Variants in LMOD1 observed in about 807,000 individuals in gnomAD.
LMOD1 encodes leiomodin-1.
In LMOD1, 8 loss-of-function variants were observed where a neutral mutation model predicts 36.5. That is an observed-to-expected ratio of 0.22 (90% CI 0.13 to 0.40). The LOEUF (loss-of-function observed/expected upper bound fraction) is 0.40, where lower values mean the gene tolerates loss of function less well. Ranked by LOEUF, LMOD1 falls within the 10% of genes least tolerant of loss-of-function variation. LMOD1 has a pLI of 1.00. For synonymous variants in LMOD1, 284 were observed against 288.7 expected, an observed-to-expected ratio of 0.98 and a Z score of 0.17; for missense variants, 630 against 751.1, an observed-to-expected ratio of 0.84 and a Z score of 1.88.
chr1:201,898,119 G>A lies in LMOD1; in HGVS notation c.*253C>T, dbSNP rs1306459251. The A allele has an allele frequency of 4.5e-5, 25 of 561,300 alleles. No homozygotes were observed. The highest frequency in any genetic ancestry group is 4.8e-4 in the Middle Eastern group (1 of 2,086). The allele number at this position is 561,300 out of a possible 1,614,324, so 34.8% of individuals were successfully genotyped here. A position where few individuals can be genotyped will look rare whatever the true frequency, so the allele number is the denominator to read the frequency against. On this transcript the variant is annotated 3_prime_UTR_variant, in exon 3 of 3. Coordinates refer to ENST00000367288, the MANE Select transcript of LMOD1 (RefSeq NM_012134.3). Reference sequence around the variant, plus strand: ...CCATCTTCTCAGTGATGTGCTAAAAGGACTCTTCTTGTCCAGAAACCTGAG... The same window carrying A: ...CCATCTTCTCAGTGATGTGCTAAAAAGACTCTTCTTGTCCAGAAACCTGAG...
chr1:201,928,103 G>A (rs1681859163), intron 1 of LMOD1, among the ~76,000 whole-genome samples: 1 of 152,226 alleles, frequency 6.6e-6, no homozygotes. Flanking sequence ...ATTGGATAAT[G>A]CAGCAATAAG....
intron 1 of LMOD1, among the ~76,000 whole-genome samples, chr1:201,940,628 C>T (rs1354747792): frequency 7.1e-6 from 1 of 139,862 alleles, no homozygotes; most frequent in Non-Finnish European, 1.6e-5. Context: ...CTCTGTCAGC[C>T]AGGCTGGAGA....
intron 1 of LMOD1, among the ~76,000 whole-genome samples, chr1:201,915,920 T>A (rs1681602747): frequency 6.6e-6 from 1 of 151,772 alleles, no homozygotes; most frequent in Admixed American, 6.6e-5. Flanking sequence ...GTGTCTAATG[T>A]CTGAACTTTT....
In LMOD1 at chr1:201,899,255, G is replaced by A. The variant is rs759355769; in HGVS notation, c.1758C>T (p.Asn586=). ...DQLLAAIRSS[N]LKQLKKVEVP... is the part of the protein sequence containing the mutation. ...TACTTAACTTCTTGAGCTGCTTGAG[G>A]TTGCTGGAGCGGATGGCAGCCAATA... Residue 586 remains asparagine (N), a synonymous_variant, in exon 2 of 3, where the codon AAC becomes AAT. Transcript: ENST00000367288. The surrounding 1 kb of genome is among the most constrained non-coding windows in gnomAD (Gnocchi z 6.3). 6.3e-7 allele frequency: 1 copy of A among 1,596,222 alleles called. No homozygotes were observed. The highest frequency in any genetic ancestry group is 8.6e-7 in the Non-Finnish European group (1 of 1,169,074).
chr1:201,901,512 ATATATATATATATATATGT>A (rs1681301020), intron 1 of LMOD1, among the ~76,000 whole-genome samples: 3 of 34,990 alleles, frequency 8.6e-5, no homozygotes, highest in South Asian at 1.7e-3. Context: ...CAAAAAAAAA[ATATATATATATATATATGT>A]ATATATATAT....
intron 1 of LMOD1, among the ~76,000 whole-genome samples, chr1:201,941,818 C>G (rs1433881947): frequency 2.0e-5 from 3 of 152,190 alleles, no homozygotes; most frequent in Admixed American, 6.5e-5. Context: ...TTCCTCCACC[C>G]CCACCAGCTC....
intron 1 of LMOD1, among the ~76,000 whole-genome samples, chr1:201,901,575 T>TAC (rs1558234712): frequency 5.9e-5 from 2 of 34,026 alleles, no homozygotes; most frequent in Non-Finnish European, 1.1e-4. Flanking sequence ...TATATATATA[T>TAC]ATATATATAC....
At chr1:201,944,812 A>G (rs893298720) in intron 1 of LMOD1, among the ~76,000 whole-genome samples, 1 of 151,542 alleles carries the variant, frequency 6.6e-6, no homozygotes, top group African/African-American at 2.4e-5. Flanking sequence ...CTTCTTTCCC[A>G]TTGCTACACT....
chr1:201,904,986 T>C (rs763224755), intron 1 of LMOD1, among the ~76,000 whole-genome samples: 4 of 152,218 alleles, frequency 2.6e-5, no homozygotes, highest in Non-Finnish European at 5.9e-5. Context: ...CCAGAGGTTA[T>C]TTTTGCCTGT....
chr1:201,936,583 T>G (rs980075716), intron 1 of LMOD1, among the ~76,000 whole-genome samples: 5 of 152,128 alleles, frequency 3.3e-5, no homozygotes, highest in African/African-American at 9.7e-5. Context: ...TGATGTTCCC[T>G]CTGCTTGGAA....
chr1:201,918,775 G>A (rs780013695), intron 1 of LMOD1, among the ~76,000 whole-genome samples: 5 of 152,174 alleles, frequency 3.3e-5, no homozygotes, highest in Admixed American at 6.5e-5. Context: ...CAGCTTCAGC[G>A]ATTCTCTACA....
chr1:201,935,766 A>G (rs1433206311), intron 1 of LMOD1, among the ~76,000 whole-genome samples: 1 of 147,610 alleles, frequency 6.8e-6, no homozygotes, highest in African/African-American at 2.5e-5. Context: ...CATGTTGGCC[A>G]GGCTGGTCTT....
rs79466791 is a variant in LMOD1, at chr1:201,922,921, T to G, written c.262-22170A>C. On this transcript the variant is annotated intron_variant, in intron 1 of 2. Coordinates refer to ENST00000367288, the MANE Select transcript of LMOD1 (RefSeq NM_012134.3). ...CTCACTGCAACCTTCGCTTCCTGGG[T>G]TCAAGTAATTCTCCTGCCTCAGCCT... 0.015 allele frequency among the ~76,000 whole-genome samples: 2,284 copies of G among 151,754 alleles called. 138 individuals are homozygous for G. In the East Asian group the frequency reaches 0.2, roughly 13 times the overall value.
chr1:201,942,717 A>G (rs1213837632), intron 1 of LMOD1, among the ~76,000 whole-genome samples: 1 of 151,376 alleles, frequency 6.6e-6, no homozygotes, highest in Admixed American at 6.6e-5. Context: ...TCGAACATAC[A>G]TACAAAAGTA....
intron 1 of LMOD1, among the ~76,000 whole-genome samples, chr1:201,934,297 GCCAGTGCTGTCCTT>G (rs937599604): frequency 1.3e-5 from 2 of 152,104 alleles, no homozygotes; most frequent in Admixed American, 6.5e-5. Context: ...GCCTATGGCT[GCCAGTGCTGTCCTT>G]CCAGAGCAGC....
intron 1 of LMOD1, among the ~76,000 whole-genome samples, chr1:201,943,503 C>T (rs1682154571): frequency 6.6e-6 from 1 of 152,234 alleles, no homozygotes; most frequent in Non-Finnish European, 1.5e-5. Context: ...CTGCCCCCAG[C>T]ACGGTGCTGT....
intron 1 of LMOD1, among the ~76,000 whole-genome samples, chr1:201,944,454 G>A (rs1023008972): frequency 1.3e-5 from 2 of 152,164 alleles, no homozygotes; most frequent in Admixed American, 1.3e-4. Context: ...TGGGAGTGGG[G>A]AAGAGCAGAG....
At chr1:201,935,186 GA>G (rs1372491020) in intron 1 of LMOD1, among the ~76,000 whole-genome samples, 1 of 152,194 alleles carries the variant, frequency 6.6e-6, no homozygotes, top group Non-Finnish European at 1.5e-5. Context: ...AGACCAGTTA[GA>G]AGGGTGTTTC....
intron 1 of LMOD1, among the ~76,000 whole-genome samples, chr1:201,938,730 A>G (rs1682062854): frequency 6.6e-6 from 1 of 152,186 alleles, no homozygotes; most frequent in African/African-American, 2.4e-5. Flanking sequence ...TGGGCTGTCC[A>G]TGAAAGGGTG....
Sources: allele counts gnomAD v4.1 joint callset (sites outside exome capture counted in the v4.1 genomes callset), GRCh38; gene constraint gnomAD v4.1.1; non-coding constraint Gnocchi (gnomAD v3.1); transcripts MANE v1.5; gene names NCBI Gene and HGNC (gene_info 2026-07-23, HGNC 2026-07-21).